Variants in GYPC observed in about 807,000 individuals in gnomAD.
GYPC encodes the protein glycophorin C (Gerbich blood group).
In GYPC, 14 loss-of-function variants were observed where a neutral mutation model predicts 12.6. That is an observed-to-expected ratio of 1.11 (90% CI 0.74 to 1.74). GYPC has a LOEUF of 1.74. GYPC is among the 40% of genes most tolerant of loss of function. The pLI is 0.00. For synonymous variants in GYPC, 78 were observed against 62.1 expected, an observed-to-expected ratio of 1.26 and a Z score of -1.20; for missense variants, 225 against 172.1, an observed-to-expected ratio of 1.31 and a Z score of -1.72.
chr2:126,675,774 T>C (rs2104786726), intron 1 of GYPC: 2 of 623,186 alleles, frequency 3.2e-6, no homozygotes, highest in South Asian at 7.2e-5. Context: ...TTATTAGTGA[T>C]ATTCACCGTA....
chr2:126,673,322 C>T (rs1573563585), intron 1 of GYPC, among the ~76,000 whole-genome samples: 1 of 152,158 alleles, frequency 6.6e-6, no homozygotes, highest in Admixed American at 6.5e-5. Context: ...TACTTGGAAT[C>T]GCTCATGCAC....
chr2:126,677,342 AGAAT>A (rs1683021839), intron 1 of GYPC, among the ~76,000 whole-genome samples: 1 of 143,868 alleles, frequency 7.0e-6, no homozygotes, highest in Admixed American at 7.1e-5. Flanking sequence ...TGTGTAAGAA[AGAAT>A]GTGTGTGTGA....
chr2:126,659,735 G>A (rs1343859598), intron 1 of GYPC, among the ~76,000 whole-genome samples: 1 of 151,644 alleles, frequency 6.6e-6, no homozygotes, highest in Non-Finnish European at 1.5e-5. Context: ...GGTCTCCCCT[G>A]CACACCTGCT....
chr2:126,676,298 T>C (rs1682993426), intron 1 of GYPC, among the ~76,000 whole-genome samples: 1 of 152,246 alleles, frequency 6.6e-6, no homozygotes, highest in Non-Finnish European at 1.5e-5. Context: ...GCTTTTGAAG[T>C]GCTAAGAACC....
At chr2:126,693,816 A>G (rs556342797) in intron 2 of GYPC, 48 bp from the exon 3 acceptor site, 1 of 1,252,912 alleles carries the variant, frequency 8.0e-7, no homozygotes, top group African/African-American at 1.5e-5. Context: ...GCTGCTAGGC[A>G]TGGAGAATCT....
intron 1 of GYPC, among the ~76,000 whole-genome samples, chr2:126,662,790 T>C (rs910203723): frequency 6.6e-6 from 1 of 152,184 alleles, no homozygotes; most frequent in Non-Finnish European, 1.5e-5. Context: ...AACATCCTAG[T>C]GTAGTGCCTG....
intron 1 of GYPC, among the ~76,000 whole-genome samples, chr2:126,660,352 C>T (rs868695400): frequency 3.3e-5 from 5 of 152,232 alleles, no homozygotes; most frequent in Non-Finnish European, 7.3e-5. Context: ...GGGTGGCCCT[C>T]GAGCCCTCCC....
chr2:126,694,364 C>A (rs946417709), intron 3 of GYPC, among the ~76,000 whole-genome samples: 1 of 152,108 alleles, frequency 6.6e-6, no homozygotes. Flanking sequence ...CTTGATCCTG[C>A]CTTTGCCTTG....
chr2:126,666,840 C>A (rs1487823365), intron 1 of GYPC, among the ~76,000 whole-genome samples: 1 of 152,062 alleles, frequency 6.6e-6, no homozygotes, highest in Non-Finnish European at 1.5e-5. Context: ...CAGGTATCAG[C>A]CCCAGACCTG....
intron 3 of GYPC, among the ~76,000 whole-genome samples, chr2:126,695,106 T>C (rs1331620554): frequency 6.6e-6 from 1 of 151,988 alleles, no homozygotes; most frequent in African/African-American, 2.4e-5. Context: ...GGGAGCAGGG[T>C]AGGGTGAGGA....
At chr2:126,656,586 G>C (rs762698163) in intron 1 of GYPC, among the ~76,000 whole-genome samples, 8 of 152,254 alleles carry the variant, frequency 5.3e-5, no homozygotes, top group Non-Finnish European at 1.0e-4. Context: ...CTCCCAGGGC[G>C]TGTCGCCCGC....
intron 1 of GYPC, among the ~76,000 whole-genome samples, chr2:126,674,953 T>C (rs1034522140): frequency 1.3e-5 from 2 of 152,242 alleles, no homozygotes; most frequent in Admixed American, 6.5e-5. Flanking sequence ...ACAATTTTCA[T>C]TTTTTATCTG....
At chr2:126,659,394 G>A (rs1682466893) in intron 1 of GYPC, among the ~76,000 whole-genome samples, 1 of 152,248 alleles carries the variant, frequency 6.6e-6, no homozygotes, top group South Asian at 2.1e-4. Context: ...CATCCGTGCT[G>A]TGGAGTCAGC....
chr2:126,684,998 G>A (rs1233466879), intron 1 of GYPC, among the ~76,000 whole-genome samples: 1 of 152,142 alleles, frequency 6.6e-6, no homozygotes, highest in African/African-American at 2.4e-5. Context: ...ACACTGGCTG[G>A]CTTCTAGGAG....
chr2:126,688,953 G>A (rs28647563), intron 1 of GYPC, among the ~76,000 whole-genome samples: 47,415 of 151,868 alleles, frequency 0.31, 7,516 homozygotes, highest in Middle Eastern at 0.41. Flanking sequence ...CTATGTTAAT[G>A]CTGATATTTC....
chr2:126,661,069 T>G (rs1682521470), intron 1 of GYPC, among the ~76,000 whole-genome samples: 1 of 152,226 alleles, frequency 6.6e-6, no homozygotes, highest in Admixed American at 6.5e-5. Flanking sequence ...ATACAAAATC[T>G]TAACCCATGG....
chr2:126,663,507 C>T (rs77755812), intron 1 of GYPC, among the ~76,000 whole-genome samples: 1,858 of 152,312 alleles, frequency 0.012, 40 homozygotes, highest in African/African-American at 0.042. Context: ...TTGCCCCCAC[C>T]TCATCGGGGC....
chr2:126,674,030 G>A (rs1256700899), intron 1 of GYPC, among the ~76,000 whole-genome samples: 1 of 152,200 alleles, frequency 6.6e-6, no homozygotes, highest in African/African-American at 2.4e-5. Flanking sequence ...CCTCCTGTCA[G>A]CAACATCAGG....
In GYPC at chr2:126,682,087, G is replaced by A. The variant is rs569091353; in HGVS notation, c.50-8168G>A. 1.4e-4 allele frequency among the ~76,000 whole-genome samples: 21 copies of A among 152,318 alleles called. No individual in the cohort carries two copies. In the South Asian group the frequency reaches 3.7e-3, roughly 27 times the overall value. ...GGTGTTCTGCGCTCCAGCCACCTCC[G>A]GTGGAGCTTGGAGCTGGCAAGTCAA... On this transcript the variant is annotated intron_variant, in intron 1 of 3. Transcript: ENST00000259254.
Sources: gnomAD v4.1 joint callset for allele counts (sites outside exome capture counted in the v4.1 genomes callset) on GRCh38, gnomAD v4.1.1 for gene constraint, MANE v1.5 for transcripts, NCBI Gene and HGNC (gene_info 2026-07-23, HGNC 2026-07-21) for gene names.